The following SMCHD1 variants were observed in gnomAD, a reference collection of about 807,000 sequenced individuals.
The protein encoded by SMCHD1 is structural maintenance of chromosomes flexible hinge domain-containing protein 1.
SMCHD1 carries 78 observed loss-of-function variants against 254.7 expected under a neutral mutation model. That is an observed-to-expected ratio of 0.31 (90% CI 0.26 to 0.37). The LOEUF is 0.37. SMCHD1 is among the 10% of genes least tolerant of loss of function. The probability of loss-of-function intolerance (pLI) is 1.00; values close to 1 mark genes in which losing one functional copy is unlikely to be tolerated. For missense variants in SMCHD1, 1,840 were observed against 2,408.1 expected (o/e 0.76, Z 4.94); for synonymous variants, 766 against 794.9 (o/e 0.96, Z 0.61).
chr18:2,693,967 G>A (rs1192921774), intron 7 of SMCHD1, among the ~76,000 whole-genome samples: 1 of 152,180 alleles, frequency 6.6e-6, no homozygotes, highest in African/African-American at 2.4e-5. Flanking sequence ...ACTACAGATG[G>A]AGAAGTTTGT....
intron 10 of SMCHD1, among the ~76,000 whole-genome samples, chr18:2,700,223 A>G (rs1332269628): frequency 6.6e-6 from 1 of 152,180 alleles, no homozygotes; most frequent in Non-Finnish European, 1.5e-5. Context: ...AAGCTCCTAT[A>G]TTTGTAGGAA....
At chr18:2,659,209 C>A (rs1049179172) in intron 1 of SMCHD1, among the ~76,000 whole-genome samples, 35 of 152,268 alleles carry the variant, frequency 2.3e-4, no homozygotes, top group Non-Finnish European at 4.4e-4. Context: ...CCTCTGCCAC[C>A]CAGGTTCAAG....
At chr18:2,676,634 G>GTAC (rs1194489776) in intron 5 of SMCHD1, among the ~76,000 whole-genome samples, 2 of 152,096 alleles carry the variant, frequency 1.3e-5, no homozygotes, top group African/African-American at 4.8e-5. Flanking sequence ...ATTTACCTGG[G>GTAC]TACTACTCCC....
At chr18:2,666,067 G>A in intron 1 of SMCHD1, 90 bp from the exon 2 acceptor site, 1 of 629,382 alleles carries the variant, frequency 1.6e-6, no homozygotes, top group East Asian at 3.0e-5. Context: ...GAATTATAAT[G>A]TACTATCAAT....
rs1472228993 is a variant in SMCHD1, at chr18:2,732,321, T to C, written c.3105T>C (p.His1035=). ...EKTIKLLPSS[H]VARLQIFSVE... ...CTATTAAGTTGCTTCCCAGTAGCCA[T>C]GTTGCAAGACTACAAATATTCAGTG... The change falls in exon 25 of 48, where the codon CAT becomes CAC. Residue 1035 remains histidine (H), a synonymous_variant. Transcript: ENST00000320876. 2 of 1,613,728 alleles carry C rather than the reference T, an allele frequency of 1.2e-6. No individual in the cohort carries two copies. Among genetic ancestry groups the C allele is most frequent in the East Asian group, 2.2e-5 (1 of 44,848 alleles).
At chr18:2,766,711 T>C (rs1430431325) in intron 37 of SMCHD1, among the ~76,000 whole-genome samples, 1 of 152,258 alleles carries the variant, frequency 6.6e-6, no homozygotes, top group Non-Finnish European at 1.5e-5. Flanking sequence ...AGATTCACTG[T>C]ATTATTTGCC....
intron 41 of SMCHD1, among the ~76,000 whole-genome samples, chr18:2,773,512 C>T (rs1178862280): frequency 6.6e-6 from 1 of 152,074 alleles, no homozygotes; most frequent in Non-Finnish European, 1.5e-5. Context: ...CTCTTTTGTC[C>T]CCTCAGAAAT....
intron 17 of SMCHD1, among the ~76,000 whole-genome samples, chr18:2,714,266 A>G (rs1242820362): frequency 6.6e-6 from 1 of 152,144 alleles, no homozygotes; most frequent in African/African-American, 2.4e-5. Context: ...GTTGATTTAT[A>G]GTCTATTTTA....
intron 17 of SMCHD1, among the ~76,000 whole-genome samples, chr18:2,714,497 T>C (rs2074753193): frequency 6.6e-6 from 1 of 152,136 alleles, no homozygotes; most frequent in African/African-American, 2.4e-5. Context: ...ATGTGAAGTT[T>C]TGCTCTTGTC....
intron 7 of SMCHD1, among the ~76,000 whole-genome samples, chr18:2,693,899 G>A (rs986238565): frequency 6.6e-6 from 1 of 152,132 alleles, no homozygotes; most frequent in Non-Finnish European, 1.5e-5. Flanking sequence ...CCAAAGTGCT[G>A]GGATTACGGG....
rs567120742 is a variant in SMCHD1 at position 2,666,928 on chromosome 18, A to G, written c.321A>G (p.Leu107=). 612 of 1,613,076 alleles carry G rather than the reference A, an allele frequency of 3.8e-4. 8 individuals carry two copies. In the South Asian group the frequency reaches 6.3e-3, roughly 17 times the overall value. Residue 107 remains leucine, a synonymous_variant, in exon 3 of 48, where the codon CTA becomes CTG. Transcript: ENST00000320876. ...TGCTACAGTCGGTCAATCAGTTACT[A>G]CTGACAGCTACGAAAGAACGAATTG... ...LYLLQSVNQL[L]LTATKERIDF... is the part of the protein sequence containing the mutation.
rs1205881396 is a variant in SMCHD1 at position 2,656,073 on chromosome 18, A to G, written c.-3A>G. The G allele has an allele frequency of 3.6e-6, 5 of 1,400,064 alleles. No individual in the cohort carries two copies. Among genetic ancestry groups the G allele is most frequent in the Non-Finnish European group, 4.7e-6 (5 of 1,073,764 alleles). The allele number at this position is 1,400,064 out of a possible 1,614,324, so 86.7% of individuals were successfully genotyped here. A position where few individuals can be genotyped will look rare whatever the true frequency, so the allele number is the denominator to read the frequency against. Reference sequence around the variant, plus strand: ...GTCGCTGTCTTTTCTCCTTTTCCCCAATATGGCAGCGGCGGACGGCGGCGG... The same window carrying G: ...GTCGCTGTCTTTTCTCCTTTTCCCCGATATGGCAGCGGCGGACGGCGGCGG... On this transcript the variant is annotated 5_prime_UTR_variant, in exon 1 of 48. Coordinates refer to ENST00000320876, the MANE Select transcript of SMCHD1 (RefSeq NM_015295.3).
intron 10 of SMCHD1, 69 bp from the exon 11 acceptor site, chr18:2,700,470 A>G (rs2074376239): frequency 6.8e-7 from 1 of 1,464,098 alleles, no homozygotes; most frequent in Non-Finnish European, 9.2e-7. Context: ...TGAAACATTT[A>G]TGTGTTTGTT....
chr18:2,791,120 T>C (rs1215963395), intron 45 of SMCHD1, among the ~76,000 whole-genome samples: 3 of 152,080 alleles, frequency 2.0e-5, no homozygotes, highest in African/African-American at 7.2e-5. Flanking sequence ...GAAGATATAA[T>C]GGGAGAGGAA....
intron 7 of SMCHD1, among the ~76,000 whole-genome samples, chr18:2,693,923 G>T (rs945027566): frequency 2.6e-5 from 4 of 152,134 alleles, no homozygotes; most frequent in Non-Finnish European, 5.9e-5. Flanking sequence ...GAGCTACCAC[G>T]CCCGGCCTGC....
chr18:2,760,776 A>C (rs768948396), intron 35 of SMCHD1, 37 bp downstream of exon 35: 53 of 1,269,516 alleles, frequency 4.2e-5, no homozygotes, highest in Non-Finnish European at 5.6e-5. Flanking sequence ...AGTTAGCTTT[A>C]CATTTTCTTT....
intron 47 of SMCHD1, among the ~76,000 whole-genome samples, 158 bp from the exon 48 acceptor site, chr18:2,802,367 AATG>A (rs1429012192): frequency 7.9e-5 from 12 of 152,314 alleles, no homozygotes; most frequent in Non-Finnish European, 1.3e-4. Context: ...ATGTGAAGGA[AATG>A]ATTATATATA....
chr18:2,695,819 ATT>A (rs1216385811), intron 8 of SMCHD1, among the ~76,000 whole-genome samples: 3 of 152,112 alleles, frequency 2.0e-5, no homozygotes, highest in Non-Finnish European at 2.9e-5. Flanking sequence ...GAATTTTAAA[ATT>A]TTTTTATGGG....
At chr18:2,802,235 A>G (rs2076376513) in intron 47 of SMCHD1, among the ~76,000 whole-genome samples, 1 of 152,188 alleles carries the variant, frequency 6.6e-6, no homozygotes, top group African/African-American at 2.4e-5. Flanking sequence ...GGTGAAAGGA[A>G]AAATCTGCAG....
Sources: gnomAD v4.1 joint callset for allele counts (sites outside exome capture counted in the v4.1 genomes callset) on GRCh38, gnomAD v4.1.1 for gene constraint, MANE v1.5 for transcripts, NCBI Gene and HGNC (gene_info 2026-07-23, HGNC 2026-07-21) for gene names.